The following SLC4A10 variants were observed in gnomAD, a reference collection of about 807,000 sequenced individuals.
The protein encoded by SLC4A10 is solute carrier family 4 member 10, also known as sodium-driven chloride bicarbonate exchanger.
A neutral mutation model predicts 137.7 loss-of-function variants in SLC4A10; 42 were observed. That is an observed-to-expected ratio of 0.30 (90% CI 0.24 to 0.39). SLC4A10 has a LOEUF of 0.39. SLC4A10 is among the 10% of genes least tolerant of loss of function. The pLI is 1.00. For synonymous variants in SLC4A10, 474 were observed against 464.1 expected (o/e 1.02, Z -0.27); for missense variants, 925 against 1,355.0 (o/e 0.68, Z 4.98).
At chr2:161,707,439 A>G (rs2043796675) in intron 1 of SLC4A10, among the ~76,000 whole-genome samples, 1 of 151,008 alleles carries the variant, frequency 6.6e-6, no homozygotes, top group Non-Finnish European at 1.5e-5. Flanking sequence ...TTTTGAATGT[A>G]GTTGAATTGA....
At chr2:161,966,379 A>C (rs1697581819) in intron 23 of SLC4A10, among the ~76,000 whole-genome samples, 1 of 152,216 alleles carries the variant, frequency 6.6e-6, no homozygotes, top group African/African-American at 2.4e-5. Context: ...TGTTAACACA[A>C]AAAATGATAT....
chr2:161,956,877 A>G, intron 19 of SLC4A10, 112 bp from the exon 20 acceptor site: 1 of 1,180,638 alleles, frequency 8.5e-7, no homozygotes, highest in Non-Finnish European at 1.2e-6. Flanking sequence ...AGGAGATCTG[A>G]TATGAAGGGC....
rs897462395 is a variant in SLC4A10 at position 161,812,789 on chromosome 2, A to G, written c.277+8194A>G. ...ACCCTAATGGTACCTAGTTGATTCC[A>G]TGTCTTTGCTATGGTGAATAGCACT... is the stretch of plus-strand genomic sequence containing the variant. On this transcript the variant is annotated intron_variant, in intron 3 of 26. Transcript: ENST00000446997. Among the ~76,000 whole-genome samples, 8 of 151,932 alleles carry G rather than the reference A, an allele frequency of 5.3e-5. No individual in the cohort carries two copies. The South Asian group carries it at 6.2e-4, about 12-fold the overall frequency.
chr2:161,717,989 A>C (rs2045136888), intron 1 of SLC4A10, among the ~76,000 whole-genome samples: 1 of 151,926 alleles, frequency 6.6e-6, no homozygotes. Flanking sequence ...GTTATTGGTT[A>C]TTGATTATTC....
chr2:161,732,185 A>G (rs1466229277), intron 1 of SLC4A10, among the ~76,000 whole-genome samples: 2 of 152,156 alleles, frequency 1.3e-5, no homozygotes, highest in Non-Finnish European at 2.9e-5. Flanking sequence ...TGAGTAAATC[A>G]TTGGCAATTG....
chr2:161,930,134 T>C (rs993367966), intron 15 of SLC4A10, among the ~76,000 whole-genome samples: 8 of 152,144 alleles, frequency 5.3e-5, no homozygotes. Flanking sequence ...ACAGGGTAAA[T>C]TTAGACTGGA....
At chr2:161,665,951 A>T (rs1326122806) in intron 1 of SLC4A10, among the ~76,000 whole-genome samples, 2 of 148,068 alleles carry the variant, frequency 1.4e-5, no homozygotes, top group East Asian at 1.9e-4. Flanking sequence ...TATATATATA[A>T]TATATAAAGA....
intron 3 of SLC4A10, among the ~76,000 whole-genome samples, chr2:161,822,845 C>T (rs568611004): frequency 8.5e-5 from 13 of 152,100 alleles, no homozygotes; most frequent in East Asian, 7.7e-4. Context: ...CATGGTGATG[C>T]GCACCTGTAG....
At chr2:161,694,024 T>C (rs535456720) in intron 1 of SLC4A10, among the ~76,000 whole-genome samples, 1 of 152,158 alleles carries the variant, frequency 6.6e-6, no homozygotes, top group South Asian at 2.1e-4. Context: ...TTGCCAATCA[T>C]TGAGGTCTCT....
rs754497442 is a variant in SLC4A10 at position 161,874,025 on chromosome 2, C to G, written c.948+20C>G. Reference sequence around the variant, plus strand: ...AGAGAGGTGAGGGCATACTCGGGCTCTATTTCTACAGTGGTTCAAAGCTCA... The same window carrying G: ...AGAGAGGTGAGGGCATACTCGGGCTGTATTTCTACAGTGGTTCAAAGCTCA... On this transcript the variant is annotated intron_variant, in intron 8 of 26. Transcript: ENST00000446997. The G allele has an allele frequency of 3.2e-5, 50 of 1,570,264 alleles. No homozygotes were observed. The highest frequency in any genetic ancestry group is 4.2e-5 in the Non-Finnish European group (49 of 1,165,230).
intron 15 of SLC4A10, among the ~76,000 whole-genome samples, chr2:161,922,029 G>A (rs1688233805): frequency 6.6e-6 from 1 of 152,092 alleles, no homozygotes; most frequent in Non-Finnish European, 1.5e-5. Flanking sequence ...TTCCTTCATG[G>A]AACTTATAGT....
intron 15 of SLC4A10, among the ~76,000 whole-genome samples, chr2:161,911,373 G>GA (rs1377737917): frequency 2.6e-5 from 4 of 151,466 alleles, no homozygotes; most frequent in Admixed American, 1.3e-4. Context: ...GAAATCATCT[G>GA]AAAAAAAAGG....
chr2:161,876,495 A>G (rs2061455986), intron 8 of SLC4A10, among the ~76,000 whole-genome samples: 1 of 152,164 alleles, frequency 6.6e-6, no homozygotes, highest in Non-Finnish European at 1.5e-5. Flanking sequence ...CCTAGGCAAC[A>G]TGGTAAGACC....
chr2:161,951,121 A>G lies in SLC4A10; in HGVS notation c.2541+273A>G, dbSNP rs551783480. On this transcript the variant is annotated intron_variant, in intron 19 of 26. Transcript: ENST00000446997. ...AAGTTTTAACTTTTCCATACTTAAC[A>G]TATTTTAATGAAATAACAATCTGTT... 2.6e-5 allele frequency among the ~76,000 whole-genome samples: 4 copies of G among 152,292 alleles called. No individual in the cohort carries two copies. The East Asian group carries it at 7.7e-4, about 29-fold the overall frequency.
chr2:161,882,487 A>G, intron 10 of SLC4A10, 43 bp downstream of exon 10: 1 of 1,385,684 alleles, frequency 7.2e-7, no homozygotes, highest in Non-Finnish European at 9.8e-7. Context: ...CCCATTAGGT[A>G]TACCTAAAAC....
intron 15 of SLC4A10, among the ~76,000 whole-genome samples, chr2:161,916,579 C>T (rs1373003766): frequency 2.0e-5 from 3 of 152,224 alleles, no homozygotes; most frequent in Non-Finnish European, 4.4e-5. Context: ...AGCCAAAGGG[C>T]TTCTGTGACC....
At chr2:161,985,270 AT>A (rs1700673554), downstream of SLC4A10, 2 of 152,272 alleles carry the variant, frequency 1.3e-5, no homozygotes, top group East Asian at 3.9e-4. Context: ...CACATTTTAA[AT>A]TGTGATACAA....
chr2:161,773,147 A>T (rs2051862502), intron 2 of SLC4A10, among the ~76,000 whole-genome samples: 1 of 151,906 alleles, frequency 6.6e-6, no homozygotes, highest in African/African-American at 2.4e-5. Context: ...CACGATTGGG[A>T]GGTCCATATC....
intron 1 of SLC4A10, among the ~76,000 whole-genome samples, chr2:161,722,835 G>A (rs932444632): frequency 1.3e-5 from 2 of 152,184 alleles, no homozygotes; most frequent in Non-Finnish European, 2.9e-5. Flanking sequence ...CTCCATCCCA[G>A]GGAGATCAGA....
Sources: gnomAD v4.1 joint callset for allele counts (sites outside exome capture counted in the v4.1 genomes callset) on GRCh38, gnomAD v4.1.1 for gene constraint, MANE v1.5 for transcripts, NCBI Gene and HGNC (gene_info 2026-07-23, HGNC 2026-07-21) for gene names.